Variants in PACRG observed in about 807,000 individuals in gnomAD.
PACRG encodes parkin coregulated gene protein.
PACRG carries 29 observed loss-of-function variants against 29.7 expected under a neutral mutation model. The ratio of observed to expected loss-of-function variants is 0.98; its 90% CI spans 0.73 to 1.33. PACRG has a LOEUF of 1.33. Among genes scored for constraint, PACRG ranks in the 40% most tolerant of loss-of-function variants. PACRG has a pLI of 0.00. For synonymous variants in PACRG, 116 were observed against 118.7 expected (o/e 0.98, Z 0.15); for missense variants, 279 against 316.2 (o/e 0.88, Z 0.89).
chr6:163,252,403 G>A (rs367603023), intron 4 of PACRG, among the ~76,000 whole-genome samples: 1 of 152,358 alleles, frequency 6.6e-6, no homozygotes, highest in East Asian at 1.9e-4. Context: ...ACAAATCACT[G>A]CACGGGTGAT....
At chr6:163,281,365 C>A (rs765346868) in intron 4 of PACRG, among the ~76,000 whole-genome samples, 1 of 152,186 alleles carries the variant, frequency 6.6e-6, no homozygotes, top group African/African-American at 2.4e-5. Flanking sequence ...TGCCTCAGCA[C>A]AGTCCTCAAA....
intron 2 of PACRG, among the ~76,000 whole-genome samples, chr6:163,019,066 T>C (rs575537110): frequency 3.0e-4 from 46 of 152,304 alleles, no homozygotes; most frequent in South Asian, 2.7e-3. Context: ...TCTTCTATCA[T>C]TTAAAAAATA....
Position 162,882,640 on chromosome 6 carries a change from T to G in PACRG, c.291+68359T>G, listed in dbSNP as rs149138001. Among the ~76,000 whole-genome samples the G allele has an allele frequency of 4.9e-3, 747 of 152,270 alleles. 11 individuals are homozygous for G. Among genetic ancestry groups the G allele is most frequent in the African/African-American group, 0.017 (713 of 41,542 alleles). ...TATGGACCCTGAGGAGTAGGCAAGC[T>G]GGGTTCTGATGAGACTCGACTCTGA... On this transcript the variant is annotated intron_variant, in intron 2 of 4. Transcript: ENST00000366888.
intron 2 of PACRG, among the ~76,000 whole-genome samples, chr6:162,903,915 T>A (rs1252723751): frequency 6.6e-6 from 1 of 152,064 alleles, no homozygotes; most frequent in African/African-American, 2.4e-5. Flanking sequence ...TAACACATAA[T>A]AGGGAGATTT....
chr6:163,124,053 C>A (rs956439718), intron 4 of PACRG, among the ~76,000 whole-genome samples: 73 of 152,186 alleles, frequency 4.8e-4, no homozygotes, highest in African/African-American at 1.6e-3. Context: ...TTTTGAGGAA[C>A]CTCCATGCTG....
At chr6:162,887,494 C>T (rs1298732179) in intron 2 of PACRG, among the ~76,000 whole-genome samples, 5 of 152,094 alleles carry the variant, frequency 3.3e-5, no homozygotes, top group Non-Finnish European at 7.3e-5. Flanking sequence ...GTTTTGGTAT[C>T]GTATTGCATG....
intron 4 of PACRG, among the ~76,000 whole-genome samples, chr6:163,175,709 G>A (rs554060080): frequency 1.3e-5 from 2 of 151,378 alleles, no homozygotes; most frequent in African/African-American, 4.9e-5. Context: ...ACATCAAGGA[G>A]TGTGAGTCCA....
intron 4 of PACRG, among the ~76,000 whole-genome samples, chr6:163,174,553 T>A (rs1370620928): frequency 1.3e-5 from 2 of 152,232 alleles, no homozygotes; most frequent in African/African-American, 2.4e-5. Flanking sequence ...TCTCATTGCC[T>A]TCAAGCTAAA....
chr6:162,874,320 T>C (rs889753524), intron 2 of PACRG, among the ~76,000 whole-genome samples: 1 of 152,108 alleles, frequency 6.6e-6, no homozygotes, highest in African/African-American at 2.4e-5. Flanking sequence ...AGCTGCCGAT[T>C]TGCCTACCAG....
chr6:163,301,903 T>C (rs1008489499), intron 4 of PACRG, among the ~76,000 whole-genome samples: 6 of 152,224 alleles, frequency 3.9e-5, no homozygotes, highest in African/African-American at 1.2e-4. Flanking sequence ...CTGGGATGCA[T>C]GGCCATTTGT....
intron 2 of PACRG, among the ~76,000 whole-genome samples, chr6:162,885,023 A>C (rs191999862): frequency 6.6e-6 from 1 of 152,148 alleles, no homozygotes; most frequent in Non-Finnish European, 1.5e-5. Flanking sequence ...TTTAGAGGTG[A>C]AGTTGTGGGC....
intron 2 of PACRG, among the ~76,000 whole-genome samples, chr6:162,908,232 A>T (rs919743060): frequency 4.6e-5 from 7 of 152,218 alleles, no homozygotes; most frequent in African/African-American, 1.4e-4. Flanking sequence ...TGGTTTTGAA[A>T]CTCAAACTTC....
At chr6:162,891,120 C>T (rs536583769) in intron 2 of PACRG, among the ~76,000 whole-genome samples, 4 of 152,240 alleles carry the variant, frequency 2.6e-5, no homozygotes, top group East Asian at 3.9e-4. Context: ...AGGAAGAGCC[C>T]GGCAAGCCTT....
At chr6:163,155,150 G>A (rs765050334) in intron 4 of PACRG, among the ~76,000 whole-genome samples, 1 of 152,080 alleles carries the variant, frequency 6.6e-6, no homozygotes, top group African/African-American at 2.4e-5. Flanking sequence ...CTTTCCTAAC[G>A]TGACTGGGTC....
chr6:162,927,228 G>T (rs1797510867), intron 2 of PACRG, among the ~76,000 whole-genome samples: 1 of 152,104 alleles, frequency 6.6e-6, no homozygotes, highest in South Asian at 2.1e-4. Context: ...TTCAACTATT[G>T]TGGAAGACAG....
intron 4 of PACRG, among the ~76,000 whole-genome samples, chr6:163,230,430 A>G (rs761942593): frequency 2.0e-5 from 3 of 152,202 alleles, no homozygotes; most frequent in Non-Finnish European, 4.4e-5. Flanking sequence ...AAGAGATCCT[A>G]CTTTCTCAGA....
chr6:163,107,851 C>A (rs965120371), intron 4 of PACRG, among the ~76,000 whole-genome samples: 5 of 152,144 alleles, frequency 3.3e-5, no homozygotes, highest in African/African-American at 1.2e-4. Flanking sequence ...CCCTTTGTTT[C>A]TCTTGCTCTA....
Position 162,806,513 on chromosome 6 carries a change from A to G in PACRG, c.157-7634A>G, listed in dbSNP as rs571582063. ...GTGTTGTGTAAGCAGGGATGAAAAC[A>G]ACATTCATCTCCTTGTACATCTCCA... is the stretch of plus-strand genomic sequence containing the variant. On this transcript the variant is annotated intron_variant, in intron 1 of 4. Coordinates refer to ENST00000366888, the MANE Select transcript of PACRG (RefSeq NM_001080379.2). 2.0e-5 allele frequency among the ~76,000 whole-genome samples: 3 copies of G among 152,274 alleles called. No individual in the cohort carries two copies. In the South Asian group the frequency reaches 6.2e-4, roughly 32 times the overall value.
chr6:162,992,542 T>C (rs1243609012), intron 2 of PACRG, among the ~76,000 whole-genome samples: 10 of 141,514 alleles, frequency 7.1e-5, no homozygotes, highest in Non-Finnish European at 1.2e-4. Context: ...GTGTTTGTAG[T>C]ATTCTCTGAT....
Sources: allele counts gnomAD v4.1 joint callset (sites outside exome capture counted in the v4.1 genomes callset), GRCh38; gene constraint gnomAD v4.1.1; transcripts MANE v1.5; gene names NCBI Gene and HGNC (gene_info 2026-07-23, HGNC 2026-07-21).